Variants in HIP1 observed in about 807,000 individuals in gnomAD.
The protein encoded by HIP1 is huntingtin-interacting protein 1.
HIP1 carries 65 observed loss-of-function variants against 147.6 expected under a neutral mutation model. That is an observed-to-expected ratio of 0.44 (90% CI 0.36 to 0.54). HIP1 has a LOEUF of 0.54. Ranked by LOEUF, HIP1 falls within the 20% of genes least tolerant of loss-of-function variation. HIP1 has a pLI of 0.00. For synonymous variants in HIP1, 479 were observed against 504.0 expected, an observed-to-expected ratio of 0.95 and a Z score of 0.67; for missense variants, 1,061 against 1,299.6, an observed-to-expected ratio of 0.82 and a Z score of 2.82.
At chr7:75,686,754 TG>T (rs1376888549) in intron 1 of HIP1, among the ~76,000 whole-genome samples, 4 of 151,850 alleles carry the variant, frequency 2.6e-5, no homozygotes, top group Admixed American at 2.0e-4. Context: ...CTTGACCTCC[TG>T]GGCTCAAGCC....
intron 1 of HIP1, among the ~76,000 whole-genome samples, chr7:75,661,508 G>T (rs1418511052): frequency 6.7e-6 from 1 of 150,004 alleles, no homozygotes; most frequent in Non-Finnish European, 1.5e-5. Flanking sequence ...AGGAGGCGGA[G>T]GTTGCAGTGA....
chr7:75,599,263 G>T lies in HIP1; in HGVS notation c.121-16C>A, dbSNP rs112336408. 8 of 1,600,772 alleles carry T rather than the reference G, an allele frequency of 5.0e-6. No homozygotes were observed. The East Asian group carries it at 6.7e-5, about 13-fold the overall frequency. Reference sequence around the variant, plus strand: ...TGCTGACAGTCTGAAAAACAAGAAGGGGGGAGGGAAAGGAGGATGAGATGA... The same window carrying T: ...TGCTGACAGTCTGAAAAACAAGAAGTGGGGAGGGAAAGGAGGATGAGATGA... On this transcript the variant is annotated splice_polypyrimidine_tract_variant and intron_variant, in intron 1 of 30. Coordinates refer to ENST00000336926, the MANE Select transcript of HIP1 (RefSeq NM_005338.7).
At chr7:75,553,831 T>C (rs1449920598) in intron 21 of HIP1, among the ~76,000 whole-genome samples, 2 of 152,116 alleles carry the variant, frequency 1.3e-5, no homozygotes, top group Non-Finnish European at 2.9e-5. Flanking sequence ...CTCGAACTCC[T>C]GACCTCAGGT....
chr7:75,539,299 T>C, intron 30 of HIP1, 24 bp downstream of exon 30: 1 of 1,557,262 alleles, frequency 6.4e-7, no homozygotes, highest in Non-Finnish European at 8.9e-7. Context: ...TGCGGGTTAG[T>C]GCCCATCCTT....
rs1298716874 is a variant in HIP1 at position 75,573,673 on chromosome 7, G to A, written c.745+88C>T. ...AGCAGACAGCCAAAGGCACTGAGAA[G>A]GACTGCGTTTCTCTGGGGACATCCT... On this transcript the variant is annotated intron_variant, in intron 8 of 30. Transcript: ENST00000336926. 30 of 1,360,818 alleles carry A rather than the reference G, an allele frequency of 2.2e-5. No individual in the cohort carries two copies. In the South Asian group the frequency reaches 2.2e-4, roughly 10 times the overall value. The allele number at this position is 1,360,818 out of a possible 1,614,324, so 84.3% of individuals were successfully genotyped here.
Position 75,559,925 on chromosome 7 carries a change from GA to G in HIP1, c.1192-11del. On this transcript the variant is annotated splice_polypyrimidine_tract_variant and intron_variant, in intron 13 of 30. Transcript: ENST00000336926. Reference sequence around the variant, plus strand: ...GCACAACCCGCTGGCTCTGTGGGGGGACTCCGGTCATGAGGCCAACCGCCCA... The same window carrying G: ...GCACAACCCGCTGGCTCTGTGGGGGGCTCCGGTCATGAGGCCAACCGCCCA... The G allele has an allele frequency of 6.3e-7, 1 of 1,587,758 alleles. No homozygotes were observed. Among genetic ancestry groups the G allele is most frequent in the Non-Finnish European group, 8.6e-7 (1 of 1,169,582 alleles).
At chr7:75,645,360 G>A (rs1313701081) in intron 1 of HIP1, among the ~76,000 whole-genome samples, 1 of 152,054 alleles carries the variant, frequency 6.6e-6, no homozygotes, top group African/African-American at 2.4e-5. Context: ...CCGAGTAGCT[G>A]GGATTATAGG....
chr7:75,548,326 C>T (rs1363494147), intron 23 of HIP1, among the ~76,000 whole-genome samples: 8 of 151,876 alleles, frequency 5.3e-5, no homozygotes, highest in Non-Finnish European at 1.2e-4. Flanking sequence ...CACGCCTGGC[C>T]AGAACCCAGG....
chr7:75,559,712 C>T lies in HIP1; in HGVS notation c.1375+20G>A, dbSNP rs780643816. ...CGCGCCTGCCCCCGGGGCCCGCCCCCGCCCCCACCCACCGCTCACTTTCTA... is the reference window on the plus strand; with the variant it reads ...CGCGCCTGCCCCCGGGGCCCGCCCCTGCCCCCACCCACCGCTCACTTTCTA... On this transcript the variant is annotated intron_variant, in intron 14 of 30. Transcript: ENST00000336926. The T allele has an allele frequency of 1.6e-5, 22 of 1,336,284 alleles. No homozygotes were observed. The highest frequency in any genetic ancestry group is 5.2e-5 in the Admixed American group (2 of 38,784). 82.8% of individuals were successfully genotyped at this position (1,336,284 alleles called of 1,614,324 possible).
At chr7:75,731,890 C>T (rs1801848307) in intron 1 of HIP1, among the ~76,000 whole-genome samples, 1 of 152,052 alleles carries the variant, frequency 6.6e-6, no homozygotes, top group Non-Finnish European at 1.5e-5. Flanking sequence ...CAATGATCAC[C>T]CCATACCAAT....
intron 1 of HIP1, among the ~76,000 whole-genome samples, chr7:75,640,780 A>G (rs1019098084): frequency 7.4e-6 from 1 of 135,040 alleles, no homozygotes; most frequent in African/African-American, 3.0e-5. Flanking sequence ...TAATAATAAT[A>G]ATAATAAATA....
Position 75,556,811 on chromosome 7 carries a change from T to G in HIP1, c.1582A>C (p.Thr528Pro). The G allele has an allele frequency of 6.3e-7, 1 of 1,596,986 alleles. No homozygotes were observed. Among genetic ancestry groups the G allele is most frequent in the Admixed American group, 1.7e-5 (1 of 59,782 alleles). ...TCTAGAACTTCCAGCTGTTCTTGAG[T>G]CTGAAAGAGAAGAAAAACAGAGGGA... The part of the protein sequence containing the change: ...ERISDQGQRK[T>P]QEQLEVLESL... Residue 528 changes from threonine to proline, a missense_variant and splice_region_variant, in exon 17 of 31, where the codon ACT becomes CCT. By Grantham distance (38) the Thr-to-Pro change is conservative (BLOSUM62 -1). Coordinates refer to ENST00000336926, the MANE Select transcript of HIP1 (RefSeq NM_005338.7).
At chr7:75,541,110 A>G (rs1464691875) in intron 29 of HIP1, among the ~76,000 whole-genome samples, 3 of 151,762 alleles carry the variant, frequency 2.0e-5, no homozygotes, top group Admixed American at 6.6e-5. Context: ...TCTTATTTAA[A>G]AAAAAAAAAG....
intron 4 of HIP1, among the ~76,000 whole-genome samples, chr7:75,591,782 C>T (rs1796509420): frequency 6.6e-6 from 1 of 150,698 alleles, no homozygotes; most frequent in African/African-American, 2.4e-5. Flanking sequence ...GGGATCCCAA[C>T]CTTGGGCAGC....
chr7:75,650,583 G>T (rs1431231988), intron 1 of HIP1, among the ~76,000 whole-genome samples: 4 of 151,278 alleles, frequency 2.6e-5, no homozygotes, highest in Non-Finnish European at 5.9e-5. Flanking sequence ...CTCCCAAGTT[G>T]CTGGAATTAC....
At chr7:75,643,754 CT>C (rs1298078597) in intron 1 of HIP1, among the ~76,000 whole-genome samples, 20 of 152,134 alleles carry the variant, frequency 1.3e-4, no homozygotes, top group Admixed American at 4.6e-4. Flanking sequence ...AATCCCAGAA[CT>C]TTGGGAGGCC....
Position 75,537,201 on chromosome 7 carries a change from C to T in HIP1, c.*971G>A, listed in dbSNP as rs587661110. 8.6e-6 allele frequency: 2 copies of T among 233,076 alleles called. No homozygotes were observed. Among genetic ancestry groups the T allele is most frequent in the South Asian group, 1.8e-4 (1 of 5,526 alleles). 14.4% of individuals were successfully genotyped at this position (233,076 alleles called of 1,614,324 possible). ...TTTGAGCCTCGTCACGGGAACTGGGCTGTGTGAACCCTCTTGTCCCTCTTT... is the reference window on the plus strand; with the variant it reads ...TTTGAGCCTCGTCACGGGAACTGGGTTGTGTGAACCCTCTTGTCCCTCTTT... On this transcript the variant is annotated 3_prime_UTR_variant, in exon 31 of 31. Transcript: ENST00000336926.
chr7:75,714,328 C>T (rs894966784), intron 1 of HIP1, among the ~76,000 whole-genome samples: 4 of 152,130 alleles, frequency 2.6e-5, no homozygotes, highest in Non-Finnish European at 5.9e-5. Context: ...CGTGAGCCGC[C>T]GCGCCTGGCC....
chr7:75,613,825 G>A lies in HIP1; in HGVS notation c.121-14578C>T, dbSNP rs148758406. 2.9e-3 allele frequency among the ~76,000 whole-genome samples: 443 copies of A among 151,090 alleles called. 2 individuals are homozygous for A. Among genetic ancestry groups the A allele is most frequent in the Non-Finnish European group, 4.7e-3 (319 of 67,734 alleles). ...ACTACAGCCTCAACCTCCTGGATTC[G>A]AGCAATCTCCCATCTCAGCCTCCCA... On this transcript the variant is annotated intron_variant, in intron 1 of 30. Transcript: ENST00000336926.
Sources: allele counts gnomAD v4.1 joint callset (sites outside exome capture counted in the v4.1 genomes callset), GRCh38; gene constraint gnomAD v4.1.1; transcripts MANE v1.5; gene names NCBI Gene and HGNC (gene_info 2026-07-23, HGNC 2026-07-21).